Variants in ZNF407 observed in about 807,000 individuals in gnomAD.
ZNF407 encodes the protein zinc finger protein 407.
ZNF407 carries 17 observed loss-of-function variants against 131.2 expected under a neutral mutation model. The ratio of observed to expected loss-of-function variants is 0.13; its 90% CI spans 0.09 to 0.19. ZNF407 has a LOEUF of 0.19. Ranked by LOEUF, ZNF407 falls within the 10% of genes least tolerant of loss-of-function variation. The pLI is 1.00. For missense variants in ZNF407, 2,681 were observed against 2,830.6 expected (o/e 0.95, Z 1.20); for synonymous variants, 1,156 against 1,062.0 (o/e 1.09, Z -1.72).
intron 7 of ZNF407, among the ~76,000 whole-genome samples, chr18:74,900,339 T>C (rs1166465287): frequency 6.6e-6 from 1 of 152,120 alleles, no homozygotes; most frequent in Non-Finnish European, 1.5e-5. Context: ...CTTTTGGGGG[T>C]ACTGCATGGC....
At chr18:74,945,563 A>G (rs1395472111) in intron 8 of ZNF407, among the ~76,000 whole-genome samples, 1 of 152,240 alleles carries the variant, frequency 6.6e-6, no homozygotes, top group African/African-American at 2.4e-5. Context: ...TAGAAAAAAT[A>G]AAAATTCCTG....
intron 8 of ZNF407, among the ~76,000 whole-genome samples, chr18:74,958,698 T>C (rs1329919351): frequency 6.6e-6 from 1 of 152,198 alleles, no homozygotes; most frequent in Non-Finnish European, 1.5e-5. Flanking sequence ...ACTGATGGTG[T>C]CATATAAACA....
At chr18:74,730,662 T>C (rs1169039385) in intron 3 of ZNF407, among the ~76,000 whole-genome samples, 1 of 152,234 alleles carries the variant, frequency 6.6e-6, no homozygotes, top group Non-Finnish European at 1.5e-5. Flanking sequence ...CATCACCCTG[T>C]ACAATTCTTC....
intron 3 of ZNF407, among the ~76,000 whole-genome samples, chr18:74,654,671 A>C (rs1321336216): frequency 1.3e-5 from 2 of 151,866 alleles, no homozygotes; most frequent in Non-Finnish European, 3.0e-5. Flanking sequence ...CTACTACATA[A>C]TATATCTTTA....
At chr18:74,910,040 A>G (rs1012770832) in intron 7 of ZNF407, among the ~76,000 whole-genome samples, 6 of 152,192 alleles carry the variant, frequency 3.9e-5, no homozygotes, top group Non-Finnish European at 7.3e-5. Flanking sequence ...GAACAAATGG[A>G]AACAACTGCC....
At chr18:74,698,155 T>C (rs1369246131) in intron 3 of ZNF407, among the ~76,000 whole-genome samples, 1 of 152,226 alleles carries the variant, frequency 6.6e-6, no homozygotes, top group Non-Finnish European at 1.5e-5. Flanking sequence ...GCATAATGGA[T>C]ATAAATCATA....
intron 1 of ZNF407, among the ~76,000 whole-genome samples, chr18:74,608,577 C>T (rs1982913408): frequency 1.3e-5 from 2 of 152,148 alleles, no homozygotes; most frequent in African/African-American, 4.8e-5. Context: ...GAACTCCTAA[C>T]CTCAAGTGAT....
At chr18:74,873,860 C>T (rs964268725) in intron 4 of ZNF407, among the ~76,000 whole-genome samples, 13 of 152,150 alleles carry the variant, frequency 8.5e-5, no homozygotes, top group East Asian at 1.9e-4. Context: ...GTAATGAAAA[C>T]GCCTGCTGAG....
chr18:74,659,947 T>G (rs561949688), intron 3 of ZNF407, among the ~76,000 whole-genome samples: 1 of 152,270 alleles, frequency 6.6e-6, no homozygotes, highest in East Asian at 1.9e-4. Context: ...TCAAACCCTT[T>G]TTGTCAGGAC....
chr18:74,989,985 A>G (rs12456768), intron 8 of ZNF407, among the ~76,000 whole-genome samples: 15,987 of 152,282 alleles, frequency 0.1, 1,196 homozygotes, highest in Admixed American at 0.24. Flanking sequence ...CTGAAAATCA[A>G]ACATCTAATA....
chr18:74,755,738 T>TTTCC, intron 3 of ZNF407, among the ~76,000 whole-genome samples: 3 of 109,960 alleles, frequency 2.7e-5, no homozygotes, highest in African/African-American at 9.2e-5. Context: ...CCTTTCTTTC[T>TTTCC]TTCTTTCTTT....
In ZNF407 at chr18:74,631,622, G is replaced by A; in HGVS notation, c.603G>A (p.Leu201=). ...CGHLFSSCSD[L]EKHAESHMQQ... is the part of the protein sequence containing the mutation. ...ATTTGTTTTCTTCTTGCTCTGACTT[G>A]GAAAAACATGCTGAGTCTCACATGC... Residue 201 remains leucine, a synonymous_variant, in exon 2 of 9, where the codon TTG becomes TTA. Transcript: ENST00000299687. The A allele has an allele frequency of 6.2e-7, 1 of 1,613,806 alleles. No individual in the cohort carries two copies. Among genetic ancestry groups the A allele is most frequent in the Non-Finnish European group, 8.5e-7 (1 of 1,179,876 alleles).
In ZNF407 at chr18:74,804,022, G is replaced by T. The variant is rs189309452; in HGVS notation, c.4877+22520G>T. 3.6e-4 allele frequency: 560 copies of T among 1,551,710 alleles called. 1 individual carries two copies. In the African/African-American group the frequency reaches 6.6e-3, roughly 18 times the overall value. On this transcript the variant is annotated intron_variant, in intron 4 of 8. Transcript: ENST00000299687. ...GCCAGGAATACAGAACAACAGGAAC[G>T]CGTCGAGTGCCTCTGAAGCCCAAAG...
At chr18:74,701,313 T>G (rs1449265457) in intron 3 of ZNF407, among the ~76,000 whole-genome samples, 3 of 152,232 alleles carry the variant, frequency 2.0e-5, no homozygotes, top group Non-Finnish European at 4.4e-5. Context: ...CTTGGATCAG[T>G]GTGTTGAGCA....
intron 3 of ZNF407, among the ~76,000 whole-genome samples, chr18:74,727,830 G>T (rs1241536623): frequency 6.6e-6 from 1 of 152,180 alleles, no homozygotes; most frequent in Non-Finnish European, 1.5e-5. Flanking sequence ...AAATCATTGA[G>T]CGTTTTGCAC....
intron 3 of ZNF407, among the ~76,000 whole-genome samples, chr18:74,770,353 G>A (rs1453603618): frequency 6.6e-6 from 1 of 152,094 alleles, no homozygotes; most frequent in Non-Finnish European, 1.5e-5. Flanking sequence ...AGCCATGATT[G>A]TGCCACTGTA....
chr18:74,893,060 C>G (rs1349698959), intron 7 of ZNF407, among the ~76,000 whole-genome samples: 1 of 152,112 alleles, frequency 6.6e-6, no homozygotes, highest in Non-Finnish European at 1.5e-5. Flanking sequence ...ATACGTTTTA[C>G]TAAGGTTGAG....
chr18:74,950,512 T>G (rs1379261061), intron 8 of ZNF407, among the ~76,000 whole-genome samples: 2 of 152,094 alleles, frequency 1.3e-5, no homozygotes, highest in East Asian at 3.9e-4. Flanking sequence ...AGGGCTGAGG[T>G]AGAAAGAAAG....
chr18:74,613,661 G>T (rs1422859474), intron 1 of ZNF407, among the ~76,000 whole-genome samples: 4 of 152,172 alleles, frequency 2.6e-5, no homozygotes, highest in Admixed American at 1.3e-4. Flanking sequence ...AAACAGATTT[G>T]AGGCACTTTA....
Sources: gnomAD v4.1 joint callset for allele counts (sites outside exome capture counted in the v4.1 genomes callset) on GRCh38, gnomAD v4.1.1 for gene constraint, MANE v1.5 for transcripts, NCBI Gene and HGNC (gene_info 2026-07-23, HGNC 2026-07-21) for gene names.